Variants in CDC42BPB observed in about 807,000 individuals in gnomAD.
CDC42BPB encodes the protein serine/threonine-protein kinase MRCK beta.
In CDC42BPB, 37 loss-of-function variants were observed where a neutral mutation model predicts 214.9. The observed-to-expected ratio is 0.17, with a 90% CI of 0.13 to 0.23. The LOEUF is 0.23. Ranked by LOEUF, CDC42BPB falls within the 10% of genes least tolerant of loss-of-function variation. The pLI, the probability that CDC42BPB is intolerant of heterozygous loss-of-function variation, is 1.00. For missense variants in CDC42BPB, 1,694 were observed against 2,227.0 expected (o/e 0.76, Z 4.82); for synonymous variants, 931 against 884.0 (o/e 1.05, Z -0.94).
At chr14:102,955,930 A>G (rs1892687155) in intron 21 of CDC42BPB, among the ~76,000 whole-genome samples, 1 of 152,262 alleles carries the variant, frequency 6.6e-6, no homozygotes. Context: ...GGATGGCAGC[A>G]TACACACATA....
chr14:102,970,169 G>A lies in CDC42BPB; in HGVS notation c.1977C>T (p.Ser659=), dbSNP rs201502028. The A allele has an allele frequency of 5.0e-5, 81 of 1,613,288 alleles. No individual in the cohort carries two copies. The East Asian group carries it at 1.5e-3, about 31-fold the overall frequency. The part of the protein sequence containing the change: ...HSENFCKQME[S]ELEALKVKQG... ...GCACTACCTTGAGGGCCTCCAGCTC[G>A]CTTTCCATTTGCTTGCAGAAGTTCT... Residue 659 remains serine (S), a synonymous_variant, in exon 14 of 37, where the codon AGC becomes AGT. Coordinates refer to ENST00000361246, the MANE Select transcript of CDC42BPB (RefSeq NM_006035.4).
At chr14:103,056,647 G>GA (rs1566932264) in intron 1 of CDC42BPB, among the ~76,000 whole-genome samples, 1 of 145,204 alleles carries the variant, frequency 6.9e-6, no homozygotes, top group Non-Finnish European at 1.5e-5. Flanking sequence ...GTGGATCTAG[G>GA]AAGCCGCCAG....
intron 22 of CDC42BPB, 40 bp downstream of exon 22, chr14:102,954,562 G>A: frequency 6.4e-7 from 1 of 1,563,028 alleles, no homozygotes; most frequent in Non-Finnish European, 8.8e-7. Context: ...CACGAGGGCA[G>A]ACCCCAGGTG....
chr14:103,018,073 G>T (rs1184863434), intron 1 of CDC42BPB, among the ~76,000 whole-genome samples: 2 of 152,198 alleles, frequency 1.3e-5, no homozygotes, highest in African/African-American at 4.8e-5. Flanking sequence ...GGATCATCAG[G>T]CACTGGACTC....
At chr14:102,994,831 T>A (rs920727231) in intron 5 of CDC42BPB, among the ~76,000 whole-genome samples, 1 of 152,158 alleles carries the variant, frequency 6.6e-6, no homozygotes, top group Non-Finnish European at 1.5e-5. Flanking sequence ...CCCACTTCCA[T>A]CCGTTCCCCT....
intron 1 of CDC42BPB, among the ~76,000 whole-genome samples, chr14:103,023,492 A>C (rs1886882086): frequency 1.3e-5 from 2 of 151,868 alleles, no homozygotes; most frequent in South Asian, 4.2e-4. Context: ...TTTTTTGTAG[A>C]CACGGGGTCT....
intron 1 of CDC42BPB, among the ~76,000 whole-genome samples, chr14:103,021,074 C>T (rs1265819939): frequency 1.3e-5 from 2 of 152,144 alleles, no homozygotes; most frequent in Non-Finnish European, 2.9e-5. Flanking sequence ...AGGCTGATAA[C>T]CAGGAAGTAT....
chr14:103,050,925 T>C (rs1888569964), intron 1 of CDC42BPB, among the ~76,000 whole-genome samples: 1 of 152,030 alleles, frequency 6.6e-6, no homozygotes, highest in South Asian at 2.1e-4. Context: ...AATTATATCA[T>C]TCCATTCAAA....
At chr14:102,962,969 T>C in intron 20 of CDC42BPB, 92 bp downstream of exon 20, 1 of 640,160 alleles carries the variant, frequency 1.6e-6, no homozygotes, top group Non-Finnish European at 2.7e-6. Context: ...TAGGTGCTTC[T>C]AAAGTAACTA....
rs769014046 is a variant in CDC42BPB at position 102,980,821 on chromosome 14, G to A, written c.1092C>T (p.Pro364=). The A allele has an allele frequency of 6.2e-7, 1 of 1,614,154 alleles. No homozygotes were observed. Among genetic ancestry groups the A allele is most frequent in the Non-Finnish European group, 8.5e-7 (1 of 1,180,026 alleles). The change falls in exon 8 of 37, where the codon CCC becomes CCT. Residue 364 remains proline (P), a synonymous_variant. Coordinates refer to ENST00000361246, the MANE Select transcript of CDC42BPB (RefSeq NM_006035.4). ...CCACGTCGAAGTTGGATGTGTCAGA[G>A]GGACTGCTCACATCAGGAATATAAG... ...EAPYIPDVSS[P]SDTSNFDVDD... is the part of the protein sequence containing the mutation.
At chr14:103,024,791 T>C (rs933732757) in intron 1 of CDC42BPB, among the ~76,000 whole-genome samples, 1 of 152,216 alleles carries the variant, frequency 6.6e-6, no homozygotes, top group African/African-American at 2.4e-5. Flanking sequence ...TACAGGCATA[T>C]GGTCTCAAAA....
intron 1 of CDC42BPB, among the ~76,000 whole-genome samples, chr14:103,018,249 G>A (rs1243815767): frequency 2.0e-5 from 3 of 152,196 alleles, no homozygotes; most frequent in Non-Finnish European, 4.4e-5. Flanking sequence ...CCATGGAGCT[G>A]TCCGTGGCCT....
intron 20 of CDC42BPB, among the ~76,000 whole-genome samples, chr14:102,962,054 TAAAA>T (rs1257919757): frequency 8.6e-4 from 131 of 152,200 alleles, no homozygotes; most frequent in Non-Finnish European, 1.5e-3. Context: ...CTCAAACATA[TAAAA>T]AGATGCTCAA....
chr14:103,034,170 C>T (rs373790863), intron 1 of CDC42BPB, among the ~76,000 whole-genome samples: 65 of 152,306 alleles, frequency 4.3e-4, no homozygotes, highest in African/African-American at 1.4e-3. Flanking sequence ...TACTGGAGAA[C>T]GCTTTAGGAC....
At chr14:103,048,056 T>C (rs914997031) in intron 1 of CDC42BPB, among the ~76,000 whole-genome samples, 2 of 152,038 alleles carry the variant, frequency 1.3e-5, no homozygotes, top group African/African-American at 2.4e-5. Flanking sequence ...ACACGAAGAA[T>C]CCCTGCAAGG....
At chr14:102,951,382 C>T (rs548385529) in intron 24 of CDC42BPB, among the ~76,000 whole-genome samples, 1 of 152,346 alleles carries the variant, frequency 6.6e-6, no homozygotes, top group East Asian at 1.9e-4. Flanking sequence ...CCAGGACCCT[C>T]CCACAGCACT....
chr14:102,962,036 A>G (rs543809933), intron 20 of CDC42BPB, among the ~76,000 whole-genome samples: 1 of 152,350 alleles, frequency 6.6e-6, no homozygotes, highest in Non-Finnish European at 1.5e-5. Flanking sequence ...CACAAAATAC[A>G]AAAGTCCCTC....
rs147302388 is a variant in CDC42BPB at position 102,956,409 on chromosome 14, T to C, written c.2902-1721A>G. The C allele has an allele frequency of 2.7e-4, 264 of 980,080 alleles. 1 individual carries two copies. In the African/African-American group the frequency reaches 3.2e-3, roughly 12 times the overall value. The allele number at this position is 980,080 out of a possible 1,614,324, so 60.7% of individuals were successfully genotyped here. ...TTCTAGTAAAAACCAACATGTTTCA[T>C]GCAGGCAGCGTGGGATAAGAAGTTT... On this transcript the variant is annotated intron_variant, in intron 21 of 36. Coordinates refer to ENST00000361246, the MANE Select transcript of CDC42BPB (RefSeq NM_006035.4).
At chr14:102,934,705 A>G (rs1367367912) in intron 36 of CDC42BPB, among the ~76,000 whole-genome samples, 1 of 151,922 alleles carries the variant, frequency 6.6e-6, no homozygotes, top group African/African-American at 2.4e-5. Context: ...GTGAGAGACA[A>G]AATTTTCCCC....
Sources: gnomAD v4.1 joint callset for allele counts (sites outside exome capture counted in the v4.1 genomes callset) on GRCh38, gnomAD v4.1.1 for gene constraint, MANE v1.5 for transcripts, NCBI Gene and HGNC (gene_info 2026-07-23, HGNC 2026-07-21) for gene names.